The following DISC1 variants were observed in gnomAD, a reference collection of about 807,000 sequenced individuals.
DISC1 encodes DISC1 scaffold protein, also known as disrupted in schizophrenia 1 protein.
In DISC1, 57 loss-of-function variants were observed where a neutral mutation model predicts 84.5. The ratio of observed to expected loss-of-function variants is 0.67; its 90% CI spans 0.55 to 0.84. DISC1 has a LOEUF of 0.84. DISC1 is among the 40% of genes least tolerant of loss of function. The pLI is 0.00. For synonymous variants in DISC1, 411 were observed against 415.2 expected, an observed-to-expected ratio of 0.99 and a Z score of 0.12; for missense variants, 1,000 against 1,057.8, an observed-to-expected ratio of 0.95 and a Z score of 0.76.
intron 4 of DISC1, among the ~76,000 whole-genome samples, chr1:231,758,008 G>T (rs1320655415): frequency 6.6e-6 from 1 of 151,520 alleles, no homozygotes; most frequent in South Asian, 2.1e-4. Flanking sequence ...AGGGGTGGGG[G>T]TGGATAATGC....
intron 3 of DISC1, chr1:231,724,033 C>A (rs771306896): frequency 2.0e-6 from 2 of 984,842 alleles, no homozygotes; most frequent in African/African-American, 1.7e-5. Context: ...TGTATTTGTT[C>A]TATTCTAGTT....
chr1:231,630,224 G>T lies in DISC1; in HGVS notation c.67+3290G>T, dbSNP rs982912874. Among the ~76,000 whole-genome samples the T allele has an allele frequency of 6.6e-6, 1 of 152,008 alleles. No individual in the cohort carries two copies. Among genetic ancestry groups the T allele is most frequent in the Admixed American group, 6.6e-5 (1 of 15,256 alleles). ...GATTACAGGCATGAGCCACTGCGCCGGGCCCTTTAAACAAGATTTAAAGAC... is the reference window on the plus strand; with the variant it reads ...GATTACAGGCATGAGCCACTGCGCCTGGCCCTTTAAACAAGATTTAAAGAC... On this transcript the variant is annotated intron_variant, in intron 1 of 12. Transcript: ENST00000439617. The surrounding 1 kb of genome is among the most constrained non-coding windows in gnomAD (Gnocchi z 4.4).
rs185473099 is a variant in DISC1, at chr1:231,635,599, T to C, written c.67+8665T>C. 7.5e-4 allele frequency among the ~76,000 whole-genome samples: 115 copies of C among 152,362 alleles called. 1 individual carries two copies. Among genetic ancestry groups the C allele is most frequent in the Middle Eastern group, 3.4e-3 (1 of 294 alleles). ...CTCCCTCATCTATGTAGTACACTTA[T>C]GGTTTACTCTGTTCTCACTGGATTA... On this transcript the variant is annotated intron_variant, in intron 1 of 12. Coordinates refer to ENST00000439617, the MANE Select transcript of DISC1 (RefSeq NM_018662.3).
chr1:232,025,539 G>T (rs923825451), intron 11 of DISC1, among the ~76,000 whole-genome samples: 1 of 151,846 alleles, frequency 6.6e-6, no homozygotes, highest in Admixed American at 6.6e-5. Context: ...CCTGTCATGT[G>T]CCAGATACTA....
chr1:231,946,221 T>C (rs750436954), intron 9 of DISC1, among the ~76,000 whole-genome samples: 12 of 152,210 alleles, frequency 7.9e-5, no homozygotes, highest in East Asian at 1.9e-4. Context: ...AATAAAATAC[T>C]GGCAAACCGA....
chr1:231,975,283 G>C lies in DISC1; in HGVS notation c.2042+16395G>C, dbSNP rs991572676. Among the ~76,000 whole-genome samples, 3 of 152,124 alleles carry C rather than the reference G, an allele frequency of 2.0e-5. No homozygotes were observed. In the South Asian group the frequency reaches 6.2e-4, roughly 32 times the overall value. ...CACAATGAGATATCATTGTACCCCA[G>C]TCAGAATGGCTATTATCTAAAAGAC... On this transcript the variant is annotated intron_variant, in intron 10 of 12. Transcript: ENST00000439617.
intron 9 of DISC1, among the ~76,000 whole-genome samples, chr1:231,946,976 A>C (rs1474222621): frequency 2.0e-5 from 3 of 152,348 alleles, no homozygotes; most frequent in African/African-American, 7.2e-5. Flanking sequence ...AAATGGAAAA[A>C]CATTCCATGC....
intron 1 of DISC1, among the ~76,000 whole-genome samples, chr1:231,682,468 G>A (rs1407547818): frequency 1.3e-5 from 2 of 152,118 alleles, no homozygotes; most frequent in East Asian, 3.9e-4. Flanking sequence ...GGTATAGCAC[G>A]GTTAAAGTCA....
chr1:231,758,217 A>G (rs1171114681), intron 4 of DISC1, among the ~76,000 whole-genome samples: 1 of 152,122 alleles, frequency 6.6e-6, no homozygotes, highest in Non-Finnish European at 1.5e-5. Flanking sequence ...TCACTTCTTC[A>G]AAATCAACCT....
intron 1 of DISC1, among the ~76,000 whole-genome samples, chr1:231,649,298 C>T (rs1017524714): frequency 2.6e-5 from 4 of 152,114 alleles, no homozygotes; most frequent in African/African-American, 9.7e-5. Context: ...TTATTTCTGC[C>T]TTCATTTTGT....
At chr1:231,886,775 CTTTCTTTCTTT>C (rs2086747589) in intron 9 of DISC1, among the ~76,000 whole-genome samples, 8 of 68,512 alleles carry the variant, frequency 1.2e-4, no homozygotes, top group South Asian at 5.1e-4. Flanking sequence ...TCCTTTCTTT[CTTTCTTTCTTT>C]CTTTCTTTCT....
rs114790438 is a variant in DISC1 at position 232,000,355 on chromosome 1, A to G, written c.2043-8430A>G. Among the ~76,000 whole-genome samples, 519 of 152,342 alleles carry G rather than the reference A, an allele frequency of 3.4e-3. 4 individuals carry two copies. Among genetic ancestry groups the G allele is most frequent in the African/African-American group, 0.011 (458 of 41,580 alleles). ...AATTGTAGAGTGAAGGTGATGGAGA[A>G]TAGATTCAGTGAAATTGAGAACAGA... is the stretch of plus-strand genomic sequence containing the variant. On this transcript the variant is annotated intron_variant, in intron 10 of 12. Coordinates refer to ENST00000439617, the MANE Select transcript of DISC1 (RefSeq NM_018662.3).
At chr1:231,646,348 G>C (rs2125237514) in intron 1 of DISC1, among the ~76,000 whole-genome samples, 1 of 152,030 alleles carries the variant, frequency 6.6e-6, no homozygotes, top group African/African-American at 2.4e-5. Context: ...CTTTTTTATG[G>C]CTGCATAGTA....
chr1:231,644,738 C>T (rs914996453), intron 1 of DISC1, among the ~76,000 whole-genome samples: 2 of 152,106 alleles, frequency 1.3e-5, no homozygotes, highest in African/African-American at 4.8e-5. Context: ...TTCCTTTTCA[C>T]TTCTGTCCTC....
chr1:231,906,968 TTC>T (rs1409347917), intron 9 of DISC1, among the ~76,000 whole-genome samples: 22 of 142,652 alleles, frequency 1.5e-4, no homozygotes, highest in South Asian at 2.3e-4. Context: ...CTTTCTTTCT[TTC>T]TCTTTCTTTT....
intron 7 of DISC1, among the ~76,000 whole-genome samples, chr1:231,799,689 A>G (rs2079034866): frequency 6.6e-6 from 1 of 151,626 alleles, no homozygotes; most frequent in Admixed American, 6.6e-5. Flanking sequence ...AGGAGGCAGG[A>G]GTGATGCAAT....
intron 11 of DISC1, among the ~76,000 whole-genome samples, chr1:232,024,028 TAC>T (rs112986007): frequency 0.094 from 13,823 of 146,448 alleles, 1,254 homozygotes; most frequent in East Asian, 0.43. Context: ...TATATATATA[TAC>T]ACACACATAT....
At chr1:231,723,048 ACAGTTGT>A (rs2070072015) in intron 3 of DISC1, 1 of 1,053,666 alleles carries the variant, frequency 9.5e-7, no homozygotes, top group Admixed American at 5.0e-5. Context: ...AATATGTACT[ACAGTTGT>A]CCCTTGATAT....
At chr1:231,903,867 C>T (rs553411046) in intron 9 of DISC1, among the ~76,000 whole-genome samples, 3 of 152,324 alleles carry the variant, frequency 2.0e-5, no homozygotes, top group African/African-American at 7.2e-5. Flanking sequence ...GAGTTTTTAA[C>T]AGAAGAGTCA....
Sources: gnomAD v4.1 joint callset for allele counts (sites outside exome capture counted in the v4.1 genomes callset) on GRCh38, gnomAD v4.1.1 for gene constraint, Gnocchi (gnomAD v3.1) non-coding constraint, MANE v1.5 for transcripts, NCBI Gene and HGNC (gene_info 2026-07-23, HGNC 2026-07-21) for gene names.